Variants in SLC35F4 observed in about 807,000 individuals in gnomAD.
The protein encoded by SLC35F4 is solute carrier family 35 member F4.
A neutral mutation model predicts 44.2 loss-of-function variants in SLC35F4; 24 were observed. The observed-to-expected ratio is 0.54, with a 90% confidence interval of 0.39 to 0.76. The LOEUF is 0.76. Among genes scored for constraint, SLC35F4 ranks in the 30% least tolerant of loss-of-function variants. The pLI is 0.00. For synonymous variants in SLC35F4, 238 were observed against 223.6 expected (o/e 1.06, Z -0.57); for missense variants, 562 against 586.1 (o/e 0.96, Z 0.42).
chr14:57,676,912 G>C (rs1319383275), intron 1 of SLC35F4, among the ~76,000 whole-genome samples: 1 of 151,948 alleles, frequency 6.6e-6, no homozygotes, highest in Non-Finnish European at 1.5e-5. Flanking sequence ...CCACTACTGG[G>C]ACCTACCCAG....
chr14:57,727,682 C>T lies in SLC35F4; in HGVS notation c.104-133558G>A, dbSNP rs79365640. Among the ~76,000 whole-genome samples, 52 of 152,098 alleles carry T rather than the reference C, an allele frequency of 3.4e-4. No individual in the cohort carries two copies. The East Asian group carries it at 4.1e-3, about 12-fold the overall frequency. ...ATTCAGGAGAACATTAATTTCTATG[C>T]GTTTTTATAGTTTGCAATATCTTGT... is the stretch of plus-strand genomic sequence containing the variant. On this transcript the variant is annotated intron_variant, in intron 1 of 7. Coordinates refer to ENST00000556826, the MANE Select transcript of SLC35F4 (RefSeq NM_001306087.2).
intron 1 of SLC35F4, among the ~76,000 whole-genome samples, chr14:57,647,189 G>C (rs898096832): frequency 4.6e-5 from 7 of 151,110 alleles, no homozygotes; most frequent in South Asian, 2.1e-4. Context: ...TTGACTTTCT[G>C]TCTCGTTGAT....
At chr14:57,770,375 G>A (rs964220339) in intron 1 of SLC35F4, among the ~76,000 whole-genome samples, 1 of 152,232 alleles carries the variant, frequency 6.6e-6, no homozygotes, top group African/African-American at 2.4e-5. Flanking sequence ...TATGTATGTT[G>A]TAGGGGTCGG....
chr14:57,585,217 C>T (rs2069612149), intron 3 of SLC35F4, among the ~76,000 whole-genome samples: 2 of 151,958 alleles, frequency 1.3e-5, no homozygotes, highest in South Asian at 4.2e-4. Context: ...CCTATAATCC[C>T]AGCACTTTGG....
At chr14:57,926,814 G>A (rs779486176) in intron 1 of SLC35F4, among the ~76,000 whole-genome samples, 3 of 151,838 alleles carry the variant, frequency 2.0e-5, no homozygotes, top group Non-Finnish European at 2.9e-5. Context: ...ACCCTTGGCC[G>A]ACTTGGAGAA....
intron 1 of SLC35F4, among the ~76,000 whole-genome samples, chr14:57,608,327 T>A (rs550968644): frequency 6.6e-6 from 1 of 152,284 alleles, no homozygotes; most frequent in South Asian, 2.1e-4. Flanking sequence ...GTCATTAAGG[T>A]AGCCCTTAAT....
At chr14:57,603,615 C>G (rs188612919) in intron 1 of SLC35F4, among the ~76,000 whole-genome samples, 1 of 152,220 alleles carries the variant, frequency 6.6e-6, no homozygotes, top group Non-Finnish European at 1.5e-5. Context: ...CCAGTGGGTA[C>G]TACCCAACAA....
At chr14:57,701,228 A>G (rs1163788725) in intron 1 of SLC35F4, among the ~76,000 whole-genome samples, 1 of 152,104 alleles carries the variant, frequency 6.6e-6, no homozygotes. Context: ...AAAATCATCA[A>G]TATCACTGTC....
chr14:57,794,242 T>C (rs2077999534), intron 1 of SLC35F4, among the ~76,000 whole-genome samples: 1 of 151,906 alleles, frequency 6.6e-6, no homozygotes, highest in Non-Finnish European at 1.5e-5. Context: ...AAAAGAAATA[T>C]TCAACAGAGT....
rs1314451051 is a variant in SLC35F4 at position 57,925,543 on chromosome 14, GAGGA to G, written n.282+56366_282+56369del. 2.0e-4 allele frequency among the ~76,000 whole-genome samples: 9 copies of G among 44,092 alleles called. No individual in the cohort carries two copies. The South Asian group carries it at 2.8e-3, about 14-fold the overall frequency. 28.9% of individuals were successfully genotyped at this position (44,092 alleles called of 152,430 possible). A position where few individuals can be genotyped will look rare whatever the true frequency, so the allele number is the denominator to read the frequency against. ...GGAGGGAGGGAGGGAGGGAGGGAGG[GAGGA>G]AGGAAGGAAGGAAGGATGACAGGCA... On this transcript the variant is annotated intron_variant and non_coding_transcript_variant, in intron 1 of 1. Coordinates refer to the SLC35F4 transcript ENST00000556568.
At chr14:57,751,912 TTCTC>T (rs3062974) in intron 1 of SLC35F4, among the ~76,000 whole-genome samples, 34,591 of 148,988 alleles carry the variant, frequency 0.23, 3,971 homozygotes, top group Middle Eastern at 0.28. Context: ...TAAAAAACAT[TTCTC>T]TCTCTCTCTC....
intron 1 of SLC35F4, among the ~76,000 whole-genome samples, chr14:57,609,944 A>C (rs1253899066): frequency 6.6e-6 from 1 of 152,180 alleles, no homozygotes; most frequent in Admixed American, 6.5e-5. Context: ...CCCAGCCTCC[A>C]GGACTATAGA....
At chr14:57,619,997 G>C (rs2072083950) in intron 1 of SLC35F4, among the ~76,000 whole-genome samples, 1 of 151,968 alleles carries the variant, frequency 6.6e-6, no homozygotes. Context: ...AGTGAAAAAA[G>C]AATGAAAAGA....
chr14:57,701,163 TG>T (rs1221159974), intron 1 of SLC35F4, among the ~76,000 whole-genome samples: 1 of 152,048 alleles, frequency 6.6e-6, no homozygotes. Flanking sequence ...TTTACATTTT[TG>T]TTATTGTTGT....
chr14:57,871,927 A>G (rs1220340088), intron 1 of SLC35F4, among the ~76,000 whole-genome samples: 2 of 152,212 alleles, frequency 1.3e-5, no homozygotes, highest in Non-Finnish European at 2.9e-5. Flanking sequence ...TTCAAGTTCT[A>G]TTCTCTTCGT....
intron 1 of SLC35F4, among the ~76,000 whole-genome samples, chr14:57,815,492 C>A (rs377003828): frequency 1.6e-4 from 25 of 152,070 alleles, no homozygotes; most frequent in African/African-American, 5.6e-4. Context: ...GTTTACCTGT[C>A]CCCTTAACTT....
chr14:57,584,466 GGTATTAATGA>G (rs1178866821), intron 3 of SLC35F4, among the ~76,000 whole-genome samples: 1 of 152,060 alleles, frequency 6.6e-6, no homozygotes, highest in Non-Finnish European at 1.5e-5. Context: ...CTTGGCAGAT[GGTATTAATGA>G]GTCTACAGGG....
chr14:57,807,821 A>G (rs909525781), intron 1 of SLC35F4, among the ~76,000 whole-genome samples: 1 of 151,852 alleles, frequency 6.6e-6, no homozygotes, highest in Admixed American at 6.6e-5. Flanking sequence ...ATAAAGACAT[A>G]CCTGAGACTG....
At chr14:57,618,617 G>T (rs1046009142) in intron 1 of SLC35F4, among the ~76,000 whole-genome samples, 5 of 152,188 alleles carry the variant, frequency 3.3e-5, no homozygotes, top group African/African-American at 1.2e-4. Context: ...GTGGTCACTT[G>T]GGCAGACACC....
Sources: gnomAD v4.1 joint callset for allele counts (sites outside exome capture counted in the v4.1 genomes callset) on GRCh38, gnomAD v4.1.1 for gene constraint, MANE v1.5 for transcripts, NCBI Gene and HGNC (gene_info 2026-07-23, HGNC 2026-07-21) for gene names.